The following METTL24 variants were observed in gnomAD, a reference collection of about 807,000 sequenced individuals.
METTL24 encodes methyltransferase like 24.
METTL24 carries 29 observed loss-of-function variants against 32.7 expected under a neutral mutation model. The observed-to-expected ratio is 0.89, with a 90% CI of 0.66 to 1.21. The LOEUF (loss-of-function observed/expected upper bound fraction) is 1.21, where lower values mean the gene tolerates loss of function less well. METTL24 is among the 50% of genes most tolerant of loss of function. The pLI is 0.00. For synonymous variants in METTL24, 163 were observed against 179.5 expected, an observed-to-expected ratio of 0.91 and a Z score of 0.73; for missense variants, 439 against 468.1, an observed-to-expected ratio of 0.94 and a Z score of 0.57.
At chr6:110,289,978 G>T (rs551194029) in intron 4 of METTL24, among the ~76,000 whole-genome samples, 122 of 152,174 alleles carry the variant, frequency 8.0e-4, no homozygotes, top group African/African-American at 2.8e-3. Context: ...TTCTGACAGG[G>T]TTTTGCTTTG....
At chr6:110,250,641 A>C (rs927095945) in intron 4 of METTL24, among the ~76,000 whole-genome samples, 10 of 148,886 alleles carry the variant, frequency 6.7e-5, no homozygotes, top group African/African-American at 2.4e-4. Flanking sequence ...AAAGCGCCCT[A>C]CTCCAGAGAT....
intron 3 of METTL24, among the ~76,000 whole-genome samples, chr6:110,315,003 G>A (rs1322791227): frequency 6.9e-6 from 1 of 144,262 alleles, no homozygotes; most frequent in Non-Finnish European, 1.5e-5. Context: ...TTTTTTTTTT[G>A]CTGCACGCAG....
At chr6:110,268,554 G>A (rs947746266) in intron 4 of METTL24, among the ~76,000 whole-genome samples, 7 of 152,124 alleles carry the variant, frequency 4.6e-5, no homozygotes, top group Admixed American at 6.6e-5. Context: ...GGGGGTAAGC[G>A]GCAGAAATCC....
At position 110,358,211 on chromosome 6, in the gene METTL24, G is replaced by A. The variant is rs1306927874; in HGVS notation, c.62C>T (p.Ala21Val). The change falls in exon 1 of 5, where the codon GCT becomes GTT. Residue 21 changes from alanine (A) to valine (V), a missense_variant. By Grantham distance (64) the Ala-to-Val change is moderately conservative. Coordinates refer to ENST00000338882, the MANE Select transcript of METTL24 (RefSeq NM_001123364.3). Reference sequence around the variant, plus strand: ...GAGCCGCAGGCCGAACAACAGCACAGCCCCGAGTAGACACCGGCGCAGGAC... The same window carrying A: ...GAGCCGCAGGCCGAACAACAGCACAACCCCGAGTAGACACCGGCGCAGGAC... The part of the protein sequence containing the change: ...CGVLRRCLLG[A>V]VLLFGLRLCA... The A allele has an allele frequency of 2.7e-6, 4 of 1,480,436 alleles. No homozygotes were observed. The highest frequency in any genetic ancestry group is 2.9e-5 in the East Asian group (1 of 34,284). The allele number at this position is 1,480,436 out of a possible 1,614,324, so 91.7% of individuals were successfully genotyped here. A position where few individuals can be genotyped will look rare whatever the true frequency, so the allele number is the denominator to read the frequency against.
rs555842808 is a variant in METTL24 at position 110,245,361 on chromosome 6, C to A, written c.*585G>T. ...GTGTTGAAGCTCTTGATAGTCTAGT[C>A]TCTTTAACTCAGTGACAGAATTTGG... On this transcript the variant is annotated 3_prime_UTR_variant, in exon 5 of 5. Coordinates refer to ENST00000338882, the MANE Select transcript of METTL24 (RefSeq NM_001123364.3). Among the ~76,000 whole-genome samples, 2 of 152,160 alleles carry A rather than the reference C, an allele frequency of 1.3e-5. No individual in the cohort carries two copies. The highest frequency in any genetic ancestry group is 2.9e-5 in the Non-Finnish European group (2 of 68,042).
intron 1 of METTL24, among the ~76,000 whole-genome samples, chr6:110,326,953 G>T (rs1243693474): frequency 2.6e-5 from 4 of 152,216 alleles, no homozygotes; most frequent in African/African-American, 9.6e-5. Flanking sequence ...GCATTCTTTG[G>T]AAAGAGGCAG....
intron 2 of METTL24, among the ~76,000 whole-genome samples, 179 bp from the exon 3 acceptor site, chr6:110,315,660 C>T (rs1235161823): frequency 6.6e-6 from 1 of 152,166 alleles, no homozygotes; most frequent in Non-Finnish European, 1.5e-5. Context: ...GGAGAAATTT[C>T]AATTACTAGA....
intron 1 of METTL24, among the ~76,000 whole-genome samples, chr6:110,337,828 GTGCAAAATAGACCA>G (rs1372735376): frequency 6.6e-6 from 1 of 152,154 alleles, no homozygotes; most frequent in Non-Finnish European, 1.5e-5. Flanking sequence ...CCTCTACTAT[GTGCAAAATAGACCA>G]TGCAAAGCAG....
chr6:110,306,253 T>C (rs1166648178), intron 3 of METTL24, among the ~76,000 whole-genome samples: 1 of 152,016 alleles, frequency 6.6e-6, no homozygotes, highest in African/African-American at 2.4e-5. Context: ...CATGTATACC[T>C]GTGTAGCAGA....
At chr6:110,303,077 C>T (rs1413075607) in intron 3 of METTL24, among the ~76,000 whole-genome samples, 1 of 152,070 alleles carries the variant, frequency 6.6e-6, no homozygotes, top group African/African-American at 2.4e-5. Context: ...AATCCCTCCC[C>T]TAGTCAAGGG....
intron 4 of METTL24, among the ~76,000 whole-genome samples, chr6:110,269,578 T>C (rs1770917357): frequency 6.6e-6 from 1 of 152,190 alleles, no homozygotes. Context: ...GAGCTGATCT[T>C]TCTTCCTGAA....
intron 1 of METTL24, among the ~76,000 whole-genome samples, chr6:110,348,625 C>T (rs568698444): frequency 2.0e-5 from 3 of 152,326 alleles, no homozygotes; most frequent in Admixed American, 6.5e-5. Flanking sequence ...CTATAAAACA[C>T]GAATATTGCC....
chr6:110,334,033 T>C (rs1195195162), intron 1 of METTL24, among the ~76,000 whole-genome samples: 3 of 144,916 alleles, frequency 2.1e-5, no homozygotes, highest in East Asian at 2.0e-4. Flanking sequence ...TATAAGTAAA[T>C]AAGCCAGACA....
intron 3 of METTL24, among the ~76,000 whole-genome samples, chr6:110,300,562 A>G (rs2114733251): frequency 6.6e-6 from 1 of 152,114 alleles, no homozygotes; most frequent in Admixed American, 6.5e-5. Flanking sequence ...CTGGGATTAC[A>G]GGTGTGCCCC....
intron 1 of METTL24, among the ~76,000 whole-genome samples, chr6:110,351,155 C>T (rs988629960): frequency 3.9e-5 from 6 of 152,086 alleles, no homozygotes; most frequent in South Asian, 2.1e-4. Flanking sequence ...GAGCCATGAT[C>T]GCAACACTGC....
intron 1 of METTL24, among the ~76,000 whole-genome samples, chr6:110,355,244 A>C (rs1034345452): frequency 6.6e-6 from 1 of 152,078 alleles, no homozygotes; most frequent in Non-Finnish European, 1.5e-5. Flanking sequence ...TGGGCTATGA[A>C]CCTTGACCTG....
intron 4 of METTL24, among the ~76,000 whole-genome samples, chr6:110,285,501 T>G (rs1326922076): frequency 4.6e-5 from 7 of 152,190 alleles, no homozygotes; most frequent in Non-Finnish European, 2.9e-5. Flanking sequence ...CTGGCACTGC[T>G]GAGCTCCCAA....
chr6:110,248,472 T>C (rs1389399139), intron 4 of METTL24, among the ~76,000 whole-genome samples: 2 of 152,228 alleles, frequency 1.3e-5, no homozygotes, highest in Non-Finnish European at 2.9e-5. Flanking sequence ...CGAAGAATAC[T>C]GAGTGCCTTA....
At chr6:110,319,665 C>T (rs1035819186) in intron 2 of METTL24, among the ~76,000 whole-genome samples, 4 of 151,770 alleles carry the variant, frequency 2.6e-5, no homozygotes, top group African/African-American at 9.7e-5. Context: ...TAGCAGCAGA[C>T]AGTGTACCAC....
Sources: gnomAD v4.1 joint callset for allele counts (sites outside exome capture counted in the v4.1 genomes callset) on GRCh38, gnomAD v4.1.1 for gene constraint, MANE v1.5 for transcripts, NCBI Gene and HGNC (gene_info 2026-07-23, HGNC 2026-07-21) for gene names.